TTC33: variants seen among roughly 807,000 people sequenced by gnomAD.
TTC33 encodes tetratricopeptide repeat domain 33.
A neutral mutation model predicts 29.4 loss-of-function variants in TTC33; 24 were observed. That is an observed-to-expected ratio of 0.82 (90% confidence interval 0.59 to 1.15). The LOEUF (loss-of-function observed/expected upper bound fraction) is 1.15. Ranked by LOEUF, TTC33 falls within the 50% of genes most tolerant of loss-of-function variation. The probability of loss-of-function intolerance (pLI) is 0.00; values close to 1 mark genes in which losing one functional copy is unlikely to be tolerated. For missense variants in TTC33, 286 were observed against 310.4 expected (o/e 0.92, Z 0.59); for synonymous variants, 107 against 100.3 (o/e 1.07, Z -0.40).
chr5:40,724,301 T>C (rs774172067), intron 4 of TTC33, among the ~76,000 whole-genome samples: 2 of 152,192 alleles, frequency 1.3e-5, no homozygotes, highest in Non-Finnish European at 1.5e-5. Flanking sequence ...ATTCCACTTA[T>C]ACGATATCTC....
chr5:40,750,105 T>G (rs1323614011), intron 1 of TTC33, among the ~76,000 whole-genome samples: 1 of 146,304 alleles, frequency 6.8e-6, no homozygotes, highest in Admixed American at 6.8e-5. Flanking sequence ...AAAAAAAAAG[T>G]ACATGCCTTA....
In TTC33 at chr5:40,713,078, A is replaced by T. The variant is rs1741928649; in HGVS notation, c.*3067T>A. ...AAAATTCTTTATTATCAAATACATC[A>T]GTTTAATAATAATCTCTAAGGAAGA... On this transcript the variant is annotated 3_prime_UTR_variant, in exon 5 of 5. Coordinates refer to ENST00000337702, the MANE Select transcript of TTC33 (RefSeq NM_012382.3). Among the ~76,000 whole-genome samples the T allele has an allele frequency of 6.6e-6, 1 of 152,106 alleles. No individual in the cohort carries two copies. Among genetic ancestry groups the T allele is most frequent in the African/African-American group, 2.4e-5 (1 of 41,430 alleles).
At chr5:40,718,591 T>C (rs1742056892) in intron 4 of TTC33, among the ~76,000 whole-genome samples, 1 of 151,668 alleles carries the variant, frequency 6.6e-6, no homozygotes. Context: ...AATACAAAAA[T>C]TAGCTGGGCA....
intron 2 of TTC33, among the ~76,000 whole-genome samples, chr5:40,735,114 G>A (rs980389776): frequency 6.6e-5 from 10 of 152,202 alleles, no homozygotes; most frequent in Admixed American, 6.5e-4. Context: ...GAAGTCAGAG[G>A]TCAGGGAGGT....
chr5:40,750,460 A>G (rs1440321351), intron 1 of TTC33, among the ~76,000 whole-genome samples: 1 of 152,006 alleles, frequency 6.6e-6, no homozygotes, highest in Non-Finnish European at 1.5e-5. Flanking sequence ...CAGGAGACAG[A>G]GGCAGGAGGA....
chr5:40,718,729 T>A (rs1742061336), intron 4 of TTC33, among the ~76,000 whole-genome samples: 1 of 150,974 alleles, frequency 6.6e-6, no homozygotes, highest in Non-Finnish European at 1.5e-5. Context: ...CAGAGCAAGA[T>A]TCCGTCTCGA....
At chr5:40,719,500 CT>C (rs1213448666) in intron 4 of TTC33, among the ~76,000 whole-genome samples, 1 of 152,144 alleles carries the variant, frequency 6.6e-6, no homozygotes, top group Non-Finnish European at 1.5e-5. Flanking sequence ...TTAAATGCTG[CT>C]GCTATGAAGG....
At chr5:40,730,089 T>C (rs529755812) in intron 3 of TTC33, among the ~76,000 whole-genome samples, 173 bp downstream of exon 3, 5 of 152,190 alleles carry the variant, frequency 3.3e-5, no homozygotes, top group Non-Finnish European at 5.9e-5. Context: ...CAAATGAATT[T>C]CCAGTTTTAT....
chr5:40,746,549 G>A (rs1257439504), intron 2 of TTC33, among the ~76,000 whole-genome samples: 1 of 152,112 alleles, frequency 6.6e-6, no homozygotes, highest in Non-Finnish European at 1.5e-5. Flanking sequence ...CAACAAAAAT[G>A]ATGGCAAAGC....
At chr5:40,745,825 C>G (rs1321601069) in intron 2 of TTC33, among the ~76,000 whole-genome samples, 1 of 151,940 alleles carries the variant, frequency 6.6e-6, no homozygotes, top group Non-Finnish European at 1.5e-5. Context: ...TCCTCGAACT[C>G]CTGGGCTCAA....
At chr5:40,747,176 G>A (rs1742810395) in intron 1 of TTC33, among the ~76,000 whole-genome samples, 157 bp from the exon 2 acceptor site, 1 of 151,740 alleles carries the variant, frequency 6.6e-6, no homozygotes, top group Non-Finnish European at 1.5e-5. Flanking sequence ...TCCTGCCTCA[G>A]CCTCCCGAAT....
At chr5:40,752,498 T>C (rs1177744069) in intron 1 of TTC33, among the ~76,000 whole-genome samples, 1 of 152,216 alleles carries the variant, frequency 6.6e-6, no homozygotes, top group Non-Finnish European at 1.5e-5. Context: ...GAGGGCATTG[T>C]AGGATTAACT....
At chr5:40,741,712 C>T (rs1414796184) in intron 2 of TTC33, among the ~76,000 whole-genome samples, 3 of 152,150 alleles carry the variant, frequency 2.0e-5, no homozygotes, top group East Asian at 1.9e-4. Context: ...AGCTCAGCCA[C>T]GCACGGTAGC....
rs529211689 is a variant in TTC33 at position 40,716,577 on chromosome 5, T to C, written c.436-79A>G. 4.4e-6 allele frequency: 4 copies of C among 902,084 alleles called. No homozygotes were observed. In the African/African-American group the frequency reaches 5.0e-5, roughly 11 times the overall value. 55.9% of individuals were successfully genotyped at this position (902,084 alleles called of 1,614,324 possible). ...ATACAATCCTGTGTGTTTACGTACA[T>C]ATATACTGTACACATACACATCCTA... On this transcript the variant is annotated intron_variant, in intron 4 of 4. Coordinates refer to ENST00000337702, the MANE Select transcript of TTC33 (RefSeq NM_012382.3).
chr5:40,728,304 A>AAAAAAT, intron 4 of TTC33, 41 bp downstream of exon 4: 2 of 1,419,780 alleles, frequency 1.4e-6, no homozygotes, highest in Non-Finnish European at 1.9e-6. Context: ...AAGTCAAAAT[A>AAAAAAT]TACTTAAAAT....
intron 4 of TTC33, among the ~76,000 whole-genome samples, chr5:40,719,408 A>G (rs1162565381): frequency 2.0e-5 from 3 of 152,162 alleles, no homozygotes; most frequent in African/African-American, 7.2e-5. Context: ...GCTGAATAAT[A>G]TTTCATTGTA....
intron 3 of TTC33, among the ~76,000 whole-genome samples, chr5:40,729,744 G>A (rs1232151208): frequency 6.6e-6 from 1 of 152,066 alleles, no homozygotes; most frequent in Non-Finnish European, 1.5e-5. Context: ...TGTCACCCAG[G>A]CTGGAGTGCA....
At chr5:40,720,232 G>A (rs2111869192) in intron 4 of TTC33, among the ~76,000 whole-genome samples, 1 of 152,262 alleles carries the variant, frequency 6.6e-6, no homozygotes, top group Non-Finnish European at 1.5e-5. Flanking sequence ...TACATAAAAT[G>A]TGAAGTAAGA....
intron 4 of TTC33, among the ~76,000 whole-genome samples, chr5:40,727,893 T>A (rs1053764820): frequency 6.6e-6 from 1 of 152,166 alleles, no homozygotes; most frequent in Non-Finnish European, 1.5e-5. Flanking sequence ...GTGAACTGTG[T>A]TTATGGATTA....
Sources: allele counts gnomAD v4.1 joint callset (sites outside exome capture counted in the v4.1 genomes callset), GRCh38; gene constraint gnomAD v4.1.1; transcripts MANE v1.5; gene names NCBI Gene and HGNC (gene_info 2026-07-23, HGNC 2026-07-21).